Variants in ATP10A observed in about 807,000 individuals in gnomAD.
ATP10A encodes the protein ATPase phospholipid transporting 10A (putative).
Under a neutral mutation model 147.8 loss-of-function variants are expected in ATP10A, and 111 were observed. The observed-to-expected ratio is 0.75, with a 90% confidence interval of 0.64 to 0.88. The LOEUF (loss-of-function observed/expected upper bound fraction) is 0.88. Among genes scored for constraint, ATP10A ranks in the 40% least tolerant of loss-of-function variants. The probability of loss-of-function intolerance (pLI) is 0.00; values close to 1 mark genes in which losing one functional copy is unlikely to be tolerated. For synonymous variants in ATP10A, 875 were observed against 841.6 expected, an observed-to-expected ratio of 1.04 and a Z score of -0.69; for missense variants, 1,927 against 1,959.0, an observed-to-expected ratio of 0.98 and a Z score of 0.31.
At chr15:25,690,068 A>G (rs1039898773) in intron 15 of ATP10A, among the ~76,000 whole-genome samples, 5 of 152,234 alleles carry the variant, frequency 3.3e-5, no homozygotes, top group African/African-American at 1.2e-4. Flanking sequence ...CGAACAGTCG[A>G]AAATCCACAT....
chr15:25,774,314 C>T (rs1396361876), intron 2 of ATP10A, among the ~76,000 whole-genome samples: 2 of 152,218 alleles, frequency 1.3e-5, no homozygotes, highest in Non-Finnish European at 2.9e-5. Context: ...GTAGCTCACA[C>T]TGGTAATGCC....
intron 2 of ATP10A, among the ~76,000 whole-genome samples, chr15:25,740,316 C>G (rs563423896): frequency 6.6e-6 from 1 of 152,226 alleles, no homozygotes; most frequent in Non-Finnish European, 1.5e-5. Context: ...GGTGAGCACA[C>G]AGCACAGGTG....
rs1899720108 is a variant in ATP10A at position 25,686,633 on chromosome 15, T to C, written c.3291+1070A>G. On this transcript the variant is annotated intron_variant, in intron 16 of 20. Transcript: ENST00000555815. ...TATAGGATAATCTTGACACTGGAGT[T>C]CTGGTGTTTAGCCAGGTAGATTTAT... Among the ~76,000 whole-genome samples the C allele has an allele frequency of 1.8e-5, 2 of 108,122 alleles. 1 individual carries two copies. 70.9% of individuals were successfully genotyped at this position (108,122 alleles called of 152,430 possible).
At chr15:25,701,575 T>C (rs75333296) in intron 13 of ATP10A, among the ~76,000 whole-genome samples, 7,436 of 152,266 alleles carry the variant, frequency 0.049, 520 homozygotes, top group African/African-American at 0.16. Context: ...GTGCCTGCAA[T>C]GATCCTGAGG....
intron 4 of ATP10A, 36 bp downstream of exon 4, chr15:25,727,124 G>T: frequency 1.4e-6 from 2 of 1,470,950 alleles, no homozygotes; most frequent in Non-Finnish European, 1.9e-6. Flanking sequence ...ACACAGCGCT[G>T]TCTGGCGGCA....
chr15:25,717,726 G>A (rs17667563), intron 8 of ATP10A, among the ~76,000 whole-genome samples: 36,892 of 89,534 alleles, frequency 0.41, 4,893 homozygotes, highest in South Asian at 0.53. Flanking sequence ...TCTTTCAGAG[G>A]TTATTGCTCA....
chr15:25,778,496 GA>G lies in ATP10A; in HGVS notation c.654+2522del, dbSNP rs199544444. Among the ~76,000 whole-genome samples the G allele has an allele frequency of 1.1e-3, 155 of 145,530 alleles. 1 individual carries two copies. The East Asian group carries it at 0.011, about 10-fold the overall frequency. On this transcript the variant is annotated intron_variant, in intron 2 of 20. Coordinates refer to ENST00000555815, the MANE Select transcript of ATP10A (RefSeq NM_024490.4). ...ATGTCTTTGGACCTTTAGGGAAAGA[GA>G]AAAAAAAAAACCCAGAAAGTCGGGG...
At chr15:25,746,356 T>C (rs974162280) in intron 2 of ATP10A, among the ~76,000 whole-genome samples, 1 of 152,178 alleles carries the variant, frequency 6.6e-6, no homozygotes, top group Non-Finnish European at 1.5e-5. Flanking sequence ...TCAAATTATA[T>C]ATTACAAAAA....
chr15:25,747,240 G>A (rs1887891881), intron 2 of ATP10A, among the ~76,000 whole-genome samples: 1 of 135,752 alleles, frequency 7.4e-6, no homozygotes, highest in South Asian at 2.3e-4. Flanking sequence ...AGTGAGCCAA[G>A]ATCGCACCAA....
intron 2 of ATP10A, among the ~76,000 whole-genome samples, chr15:25,738,776 A>C (rs1887424858): frequency 6.6e-6 from 1 of 152,168 alleles, no homozygotes; most frequent in Non-Finnish European, 1.5e-5. Context: ...ACATAATTAC[A>C]AGTTTGGGGA....
intron 1 of ATP10A, among the ~76,000 whole-genome samples, chr15:25,792,549 G>A (rs1481025145): frequency 6.6e-6 from 1 of 152,208 alleles, no homozygotes; most frequent in East Asian, 1.9e-4. Flanking sequence ...GTATTTAAAT[G>A]ACCCTGCAAA....
chr15:25,761,368 CACTT>C (rs1888749278), intron 2 of ATP10A, among the ~76,000 whole-genome samples: 1 of 152,232 alleles, frequency 6.6e-6, no homozygotes, highest in African/African-American at 2.4e-5. Flanking sequence ...AATTGACTCA[CACTT>C]ACCACAGAGT....
At position 25,687,127 on chromosome 15, in the gene ATP10A, G is replaced by A. The variant is rs1331550553; in HGVS notation, c.3291+576C>T. 4.0e-5 allele frequency among the ~76,000 whole-genome samples: 3 copies of A among 74,862 alleles called. No homozygotes were observed. The South Asian group carries it at 1.4e-3, about 34-fold the overall frequency. The allele number at this position is 74,862 out of a possible 152,430, so 49.1% of individuals were successfully genotyped here. Reference sequence around the variant, plus strand: ...GCCGCCTGTCACCTGTCCTGGTGTGGGTGTGTCCCAACAGAGGCCATTCAG... The same window carrying A: ...GCCGCCTGTCACCTGTCCTGGTGTGAGTGTGTCCCAACAGAGGCCATTCAG... On this transcript the variant is annotated intron_variant, in intron 16 of 20. Coordinates refer to ENST00000555815, the MANE Select transcript of ATP10A (RefSeq NM_024490.4).
intron 2 of ATP10A, among the ~76,000 whole-genome samples, chr15:25,752,543 C>A (rs1250331103): frequency 1.3e-5 from 2 of 151,868 alleles, no homozygotes; most frequent in East Asian, 1.9e-4. Flanking sequence ...CTCAGGTAGA[C>A]CACACTGTTT....
At chr15:25,852,758 G>C in intron 1 of ATP10A, among the ~76,000 whole-genome samples, 1 of 152,178 alleles carries the variant, frequency 6.6e-6, no homozygotes, top group Non-Finnish European at 1.5e-5. Context: ...TTCAAGCACA[G>C]TGAATTCCCC....
At chr15:25,785,547 C>T (rs1054370132) in intron 1 of ATP10A, among the ~76,000 whole-genome samples, 1 of 152,210 alleles carries the variant, frequency 6.6e-6, no homozygotes, top group African/African-American at 2.4e-5. Flanking sequence ...GAAGGAGCAG[C>T]TCACAGGCTG....
intron 7 of ATP10A, among the ~76,000 whole-genome samples, chr15:25,720,330 ACT>A (rs1166821924): frequency 6.6e-6 from 1 of 151,984 alleles, no homozygotes; most frequent in Admixed American, 6.6e-5. Flanking sequence ...GTTAAAATTT[ACT>A]CTCTGAGTCG....
chr15:25,762,096 T>C (rs899520986), intron 2 of ATP10A, among the ~76,000 whole-genome samples: 36 of 152,302 alleles, frequency 2.4e-4, no homozygotes, highest in African/African-American at 8.7e-4. Context: ...CAGTGAGTTC[T>C]CATGAGATCT....
chr15:25,861,020 A>C (rs1893735931), intron 1 of ATP10A, among the ~76,000 whole-genome samples: 1 of 152,102 alleles, frequency 6.6e-6, no homozygotes, highest in Admixed American at 6.5e-5. Flanking sequence ...CACGGAGGCC[A>C]TTTGTGTAAG....
Sources: allele counts gnomAD v4.1 joint callset (sites outside exome capture counted in the v4.1 genomes callset), GRCh38; gene constraint gnomAD v4.1.1; transcripts MANE v1.5; gene names NCBI Gene and HGNC (gene_info 2026-07-23, HGNC 2026-07-21).